Variants in SBF2 observed in about 807,000 individuals in gnomAD.
SBF2 encodes myotubularin-related protein 13.
Under a neutral mutation model 225.2 loss-of-function variants are expected in SBF2, and 112 were observed. That is an observed-to-expected ratio of 0.50 (90% CI 0.43 to 0.58). SBF2 has a LOEUF of 0.58. Among genes scored for constraint, SBF2 ranks in the 20% least tolerant of loss-of-function variants. The probability of loss-of-function intolerance (pLI) is 0.00; values close to 1 mark genes in which losing one functional copy is unlikely to be tolerated. For synonymous variants in SBF2, 763 were observed against 773.3 expected (o/e 0.99, Z 0.22); for missense variants, 1,996 against 2,206.2 (o/e 0.90, Z 1.91).
At chr11:10,101,834 G>C (rs969729518) in intron 2 of SBF2, among the ~76,000 whole-genome samples, 12 of 152,218 alleles carry the variant, frequency 7.9e-5, no homozygotes, top group South Asian at 2.1e-4. Context: ...GTAATGGAGA[G>C]AGAGGTATCA....
At chr11:10,268,196 C>T (rs544909867) in intron 1 of SBF2, among the ~76,000 whole-genome samples, 2 of 152,092 alleles carry the variant, frequency 1.3e-5, no homozygotes, top group Non-Finnish European at 2.9e-5. Flanking sequence ...TTAACTTAAG[C>T]TAGGAAAAAC....
chr11:9,864,923 T>C (rs1378946952), intron 17 of SBF2, among the ~76,000 whole-genome samples: 4 of 152,242 alleles, frequency 2.6e-5, no homozygotes, highest in Admixed American at 2.6e-4. Context: ...ATTTATTTTT[T>C]TTTTTGAGAC....
At chr11:10,259,085 T>A (rs574872129) in intron 1 of SBF2, among the ~76,000 whole-genome samples, 2 of 152,156 alleles carry the variant, frequency 1.3e-5, no homozygotes, top group African/African-American at 4.8e-5. Flanking sequence ...TTGTACCCCT[T>A]TGGATTTAAC....
At chr11:10,095,477 A>AC (rs1951977732) in intron 2 of SBF2, among the ~76,000 whole-genome samples, 1 of 152,200 alleles carries the variant, frequency 6.6e-6, no homozygotes, top group African/African-American at 2.4e-5. Context: ...AGTACTTTCA[A>AC]CAGCCAACTA....
At chr11:9,894,578 G>A (rs929483014) in intron 17 of SBF2, among the ~76,000 whole-genome samples, 13 of 152,048 alleles carry the variant, frequency 8.5e-5, no homozygotes, top group African/African-American at 3.1e-4. Flanking sequence ...CAGCTACTTG[G>A]GAGGCTGAGA....
At chr11:9,980,336 A>G (rs1366416683) in intron 13 of SBF2, among the ~76,000 whole-genome samples, 1 of 147,248 alleles carries the variant, frequency 6.8e-6, no homozygotes, top group African/African-American at 2.5e-5. Context: ...GAGTCTCACT[A>G]TATTACCCAG....
chr11:10,150,813 T>C (rs560456172), intron 2 of SBF2, among the ~76,000 whole-genome samples: 32 of 152,176 alleles, frequency 2.1e-4, no homozygotes, highest in Non-Finnish European at 3.8e-4. Flanking sequence ...TATTTTTTTT[T>C]CCCTCAAGTC....
Position 9,845,735 on chromosome 11 carries a change from A to C in SBF2, c.2940T>G (p.Ile980Met), listed in dbSNP as rs1856498706. 1 of 1,613,510 alleles carries C rather than the reference A, an allele frequency of 6.2e-7. No individual in the cohort carries two copies. Among genetic ancestry groups the C allele is most frequent in the South Asian group, 1.1e-5 (1 of 91,076 alleles). ...TGACTTCTTCATCAAATGCTACCTT[A>C]ATCAACTAGAAGCAAAAGAGATTAA... ...LQITSASFQL[I>M]KVAFDEEVSP... The change falls in exon 24 of 40, where the codon ATT (isoleucine) becomes ATG (methionine). Residue 980 changes from isoleucine (I) to methionine (M), a missense_variant. Physicochemically the swap from Ile to Met is conservative, Grantham distance 10. Coordinates refer to ENST00000256190, the MANE Select transcript of SBF2 (RefSeq NM_030962.4).
intron 2 of SBF2, among the ~76,000 whole-genome samples, chr11:10,134,537 T>C (rs1299230487): frequency 6.6e-6 from 1 of 152,168 alleles, no homozygotes. Context: ...AAAGCAAGTT[T>C]ATTACTTCCT....
chr11:10,252,541 C>T (rs577256883), intron 1 of SBF2, among the ~76,000 whole-genome samples: 9 of 152,332 alleles, frequency 5.9e-5, no homozygotes, highest in South Asian at 2.1e-4. Flanking sequence ...CGGTGGCTCA[C>T]GCCTGTAATC....
intron 16 of SBF2, among the ~76,000 whole-genome samples, chr11:9,916,787 G>T (rs757666375): frequency 1.6e-4 from 25 of 151,780 alleles, no homozygotes; most frequent in Non-Finnish European, 1.8e-4. Flanking sequence ...GTCTCACTAC[G>T]TTGTTTAGGC....
At chr11:10,245,409 G>A (rs1415987999) in intron 1 of SBF2, among the ~76,000 whole-genome samples, 6 of 151,896 alleles carry the variant, frequency 4.0e-5, no homozygotes, top group Middle Eastern at 3.4e-3. Flanking sequence ...GCAACACAGC[G>A]GGACCCTATC....
At chr11:9,784,945 G>A (rs1029089589) in intron 37 of SBF2, 180 bp downstream of exon 37, 1 of 659,998 alleles carries the variant, frequency 1.5e-6, no homozygotes, top group Admixed American at 2.5e-5. Context: ...ATTTTTAGTT[G>A]TAATTTTTGT....
intron 1 of SBF2, among the ~76,000 whole-genome samples, chr11:10,291,497 T>A (rs937870455): frequency 2.6e-5 from 4 of 152,146 alleles, no homozygotes; most frequent in African/African-American, 9.7e-5. Flanking sequence ...CTAAGGCAAA[T>A]AGTAACAGAA....
chr11:9,902,220 T>G (rs1861777203), intron 16 of SBF2, among the ~76,000 whole-genome samples: 1 of 152,196 alleles, frequency 6.6e-6, no homozygotes, highest in African/African-American at 2.4e-5. Flanking sequence ...ATCTATTCTC[T>G]CTGAGGGCTA....
intron 16 of SBF2, among the ~76,000 whole-genome samples, chr11:9,935,293 C>G (rs9668146): frequency 4.0e-4 from 61 of 152,030 alleles, no homozygotes; most frequent in Admixed American, 2.2e-3. Context: ...CATTGCTCAA[C>G]GAAATAAAAG....
intron 6 of SBF2, among the ~76,000 whole-genome samples, 194 bp downstream of exon 6, chr11:10,028,258 C>T (rs1803116103): frequency 6.6e-6 from 1 of 151,924 alleles, no homozygotes; most frequent in Admixed American, 6.6e-5. Flanking sequence ...AAAAAGGGGC[C>T]TGAGTTAAAA....
intron 1 of SBF2, among the ~76,000 whole-genome samples, chr11:10,222,597 T>C (rs965797008): frequency 3.3e-5 from 5 of 151,656 alleles, no homozygotes; most frequent in South Asian, 2.1e-4. Context: ...AAAAAGCAAA[T>C]TGGGGGGAAA....
intron 2 of SBF2, among the ~76,000 whole-genome samples, chr11:10,073,354 TAAGGAAGAGCAATTTCCTTAACAA>T (rs1412785433): frequency 2.4e-4 from 36 of 152,146 alleles, no homozygotes; most frequent in African/African-American, 8.7e-4. Flanking sequence ...AAATTGAAAT[TAAGGAAGAGCAATTTCCTTAACAA>T]ATTATATGGA....
Sources: gnomAD v4.1 joint callset for allele counts (sites outside exome capture counted in the v4.1 genomes callset) on GRCh38, gnomAD v4.1.1 for gene constraint, MANE v1.5 for transcripts, NCBI Gene and HGNC (gene_info 2026-07-23, HGNC 2026-07-21) for gene names.